HSPD1: variants seen among roughly 807,000 people sequenced by gnomAD.
HSPD1 encodes the protein 60 kDa heat shock protein, mitochondrial.
A neutral mutation model predicts 53.0 loss-of-function variants in HSPD1; 3 were observed. The ratio of observed to expected loss-of-function variants is 0.06; its 90% CI spans 0.03 to 0.15. The LOEUF is 0.15. Among genes scored for constraint, HSPD1 ranks in the 10% least tolerant of loss-of-function variants. HSPD1 has a pLI of 1.00. For missense variants in HSPD1, 431 were observed against 694.1 expected, an observed-to-expected ratio of 0.62 and a Z score of 4.26; for synonymous variants, 200 against 228.0, an observed-to-expected ratio of 0.88 and a Z score of 1.10.
At chr2:197,494,055 GCCA>G (rs2086126491) in intron 6 of HSPD1, 99 bp downstream of exon 6, 1 of 668,644 alleles carries the variant, frequency 1.5e-6, no homozygotes, top group South Asian at 1.7e-5. Flanking sequence ...TGAGCAACGC[GCCA>G]CCACATCATG....
chr2:197,500,015 A>G (rs2086226220), upstream of HSPD1: 1 of 169,646 alleles, frequency 5.9e-6, no homozygotes, highest in Non-Finnish European at 1.3e-5. Flanking sequence ...AGGGTGTGCT[A>G]GCGCGCTCAG....
Position 197,498,669 on chromosome 2 carries a change from T to C in HSPD1, c.174+6A>G, listed in dbSNP as rs780279426. Reference sequence around the variant, plus strand: ...CGTAATTACAATAAAATAAAAATACTGGTACCTTTGGCCCCATTGTAACGG... The same window carrying C: ...CGTAATTACAATAAAATAAAAATACCGGTACCTTTGGCCCCATTGTAACGG... On this transcript the variant is annotated splice_donor_region_variant and intron_variant, in intron 2 of 11. Coordinates refer to ENST00000388968, the MANE Select transcript of HSPD1 (RefSeq NM_002156.5). The C allele has an allele frequency of 5.0e-6, 8 of 1,611,888 alleles. No homozygotes were observed. The highest frequency in any genetic ancestry group is 6.8e-6 in the Non-Finnish European group (8 of 1,178,090).
chr2:197,489,008 C>T lies in HSPD1; in HGVS notation c.1209G>A (p.Val403=). The change falls in exon 9 of 12, where the codon GTG becomes GTA. Residue 403 remains valine (V), a synonymous_variant. Coordinates refer to ENST00000388968, the MANE Select transcript of HSPD1 (RefSeq NM_002156.5). ...RLAKLSDGVA[V]LKVGGTSDVE... is the part of the protein sequence containing the mutation. ...TCATAATAATGAATGTTACCTTCAG[C>T]ACAGCCACTCCATCTGAAAGTTTTG... The T allele has an allele frequency of 6.2e-7, 1 of 1,613,980 alleles. No individual in the cohort carries two copies. Among genetic ancestry groups the T allele is most frequent in the Non-Finnish European group, 8.5e-7 (1 of 1,179,858 alleles).
intron 5 of HSPD1, 74 bp downstream of exon 5, chr2:197,494,583 T>C: frequency 4.7e-6 from 5 of 1,060,240 alleles, no homozygotes; most frequent in Non-Finnish European, 7.3e-6. Flanking sequence ...AAATTCAGTT[T>C]TGATCATCAG....
intron 7 of HSPD1, among the ~76,000 whole-genome samples, chr2:197,492,877 G>C (rs2086112133): frequency 6.6e-6 from 1 of 151,584 alleles, no homozygotes; most frequent in South Asian, 2.1e-4. Context: ...AGGTGTGGTG[G>C]CACGCACCTG....
chr2:197,488,969 C>T (rs762320773), intron 9 of HSPD1, 33 bp downstream of exon 9: 1 of 1,611,108 alleles, frequency 6.2e-7, no homozygotes, highest in Non-Finnish European at 8.5e-7. Context: ...GGACTCAGAA[C>T]CCAAGAAACT....
intron 2 of HSPD1, 100 bp downstream of exon 2, chr2:197,498,575 A>G: frequency 9.3e-7 from 1 of 1,075,138 alleles, no homozygotes; most frequent in Non-Finnish European, 1.4e-6. Flanking sequence ...GTTCTCTCAA[A>G]AATGGAGATG....
intron 7 of HSPD1, among the ~76,000 whole-genome samples, chr2:197,493,067 A>C (rs2086114185): frequency 6.6e-6 from 1 of 152,184 alleles, no homozygotes; most frequent in African/African-American, 2.4e-5. Context: ...CACTTGCAAA[A>C]TACAGAAAGG....
intron 1 of HSPD1, 90 bp from the exon 2 acceptor site, chr2:197,498,940 G>T: frequency 8.5e-7 from 1 of 1,172,740 alleles, no homozygotes; most frequent in Non-Finnish European, 1.3e-6. Flanking sequence ...AGCAAGCAAC[G>T]TGAGATGCTG....
At position 197,487,852 on chromosome 2, in the gene HSPD1, A is replaced by G. The variant is rs1300277396; in HGVS notation, c.1569+6T>C. On this transcript the variant is annotated splice_donor_region_variant and intron_variant, in intron 11 of 11. Transcript: ENST00000388968. ...AAGAATTTTTAGAAAGTGTTCAACC[A>G]TTTACCTTTGTTGGGTCAATGATTC... 2 of 1,611,186 alleles carry G rather than the reference A, an allele frequency of 1.2e-6. No individual in the cohort carries two copies. Among genetic ancestry groups the G allele is most frequent in the Non-Finnish European group, 1.7e-6 (2 of 1,177,488 alleles).
intron 7 of HSPD1, among the ~76,000 whole-genome samples, chr2:197,492,362 A>C (rs1157213953): frequency 6.6e-6 from 1 of 151,732 alleles, no homozygotes; most frequent in East Asian, 2.0e-4. Flanking sequence ...GCTAATTTTT[A>C]TATTTTTAGT....
At chr2:197,494,588 CATCAGATAACTCAAACTTTTGATCATAAG>C in intron 5 of HSPD1, 40 bp downstream of exon 5, 8 of 1,092,750 alleles carry the variant, frequency 7.3e-6, no homozygotes, top group Non-Finnish European at 1.1e-5. Context: ...CAGTTTTGAT[CATCAGATAACTCAAACTTTTGATCATAAG>C]ATAACTCAAA....
chr2:197,494,938 A>G (rs1387182128), intron 4 of HSPD1, 186 bp from the exon 5 acceptor site: 1 of 630,290 alleles, frequency 1.6e-6, no homozygotes, highest in Non-Finnish European at 2.9e-6. Context: ...ATTTGACTAC[A>G]TTGTTTTGAA....
chr2:197,497,020 A>G (rs2086166485), intron 3 of HSPD1, 120 bp downstream of exon 3: 6 of 1,022,776 alleles, frequency 5.9e-6, no homozygotes, highest in Non-Finnish European at 7.6e-6. Context: ...TCTCCAGGCC[A>G]AGAGGAGGAA....
At chr2:197,495,848 T>C (rs1228788335) in intron 3 of HSPD1, among the ~76,000 whole-genome samples, 1 of 152,148 alleles carries the variant, frequency 6.6e-6, no homozygotes, top group Non-Finnish European at 1.5e-5. Context: ...AACAGTAACT[T>C]TAGGTTCACA....
chr2:197,487,773 G>A lies in HSPD1; in HGVS notation c.1569+85C>T, dbSNP rs550984848. The A allele has an allele frequency of 2.4e-5, 27 of 1,133,764 alleles. 1 individual carries two copies. In the South Asian group the frequency reaches 3.2e-4, roughly 13 times the overall value. The allele number at this position is 1,133,764 out of a possible 1,614,324, so 70.2% of individuals were successfully genotyped here. On this transcript the variant is annotated intron_variant, in intron 11 of 11. Transcript: ENST00000388968. ...CTACTGCTATTAGACTATTTTTCTG[G>A]TGACAAAATCAAAGATTTGGGATGT...
chr2:197,497,501 TTG>T, intron 2 of HSPD1, 109 bp from the exon 3 acceptor site: 1 of 1,129,632 alleles, frequency 8.9e-7, no homozygotes, highest in South Asian at 1.3e-5. Flanking sequence ...TCAACGTAAG[TTG>T]TGTCATTTTT....
upstream of HSPD1, chr2:197,500,249 G>C: frequency 1.4e-6 from 1 of 722,648 alleles, no homozygotes; most frequent in South Asian, 1.7e-5. Flanking sequence ...AGGGCCCTTG[G>C]GGCGAATCGC....
At chr2:197,495,447 G>A in intron 3 of HSPD1, 71 bp from the exon 4 acceptor site, 1 of 1,073,256 alleles carries the variant, frequency 9.3e-7, no homozygotes, top group Non-Finnish European at 1.4e-6. Context: ...GAAATCTTGA[G>A]ATTTGTGACA....
Sources: gnomAD v4.1 joint callset for allele counts (sites outside exome capture counted in the v4.1 genomes callset) on GRCh38, gnomAD v4.1.1 for gene constraint, MANE v1.5 for transcripts, NCBI Gene and HGNC (gene_info 2026-07-23, HGNC 2026-07-21) for gene names.